FAR1: variants seen among roughly 807,000 people sequenced by gnomAD.
FAR1 encodes the protein fatty acyl-CoA reductase 1.
A neutral mutation model predicts 61.1 loss-of-function variants in FAR1; 22 were observed. The ratio of observed to expected loss-of-function variants is 0.36; its 90% CI spans 0.26 to 0.51. The LOEUF (loss-of-function observed/expected upper bound fraction) is 0.51. FAR1 is among the 20% of genes least tolerant of loss of function. The pLI, the probability that FAR1 is intolerant of heterozygous loss-of-function variation, is 0.95. For missense variants in FAR1, 359 were observed against 626.9 expected, an observed-to-expected ratio of 0.57 and a Z score of 4.56; for synonymous variants, 206 against 209.7, an observed-to-expected ratio of 0.98 and a Z score of 0.15.
chr11:13,689,299 C>T (rs1848222207), intron 1 of FAR1, among the ~76,000 whole-genome samples: 1 of 152,144 alleles, frequency 6.6e-6, no homozygotes, highest in Admixed American at 6.5e-5. Context: ...CAGAAGTCTC[C>T]TTCATGTTAC....
chr11:13,694,995 G>T (rs774938787), intron 2 of FAR1, 41 bp downstream of exon 2: 3 of 1,499,554 alleles, frequency 2.0e-6, no homozygotes, highest in Middle Eastern at 1.8e-4. Context: ...AGAAAAAAGC[G>T]TGTGCTTGTG....
intron 3 of FAR1, among the ~76,000 whole-genome samples, chr11:13,707,523 C>G (rs1160030693): frequency 6.6e-6 from 1 of 151,882 alleles, no homozygotes; most frequent in Non-Finnish European, 1.5e-5. Flanking sequence ...TTTTTTTCTC[C>G]CTGTGGCACA....
intron 1 of FAR1, among the ~76,000 whole-genome samples, chr11:13,679,617 C>T (rs541546234): frequency 1.3e-5 from 2 of 152,158 alleles, no homozygotes; most frequent in Admixed American, 1.3e-4. Context: ...GAAACAGAAA[C>T]AAAGGAAAAT....
At chr11:13,692,315 AG>A (rs1848258800) in intron 1 of FAR1, among the ~76,000 whole-genome samples, 1 of 152,220 alleles carries the variant, frequency 6.6e-6, no homozygotes, top group African/African-American at 2.4e-5. Context: ...TCTGGTCCAA[AG>A]CATTTCGGAT....
chr11:13,682,886 A>G (rs1023771739), intron 1 of FAR1, among the ~76,000 whole-genome samples: 4 of 152,074 alleles, frequency 2.6e-5, no homozygotes, highest in Admixed American at 2.6e-4. Context: ...TGCCGGGATT[A>G]CAGGCATGAG....
At chr11:13,699,487 T>A (rs1848346077) in intron 2 of FAR1, among the ~76,000 whole-genome samples, 2 of 152,246 alleles carry the variant, frequency 1.3e-5, no homozygotes, top group Non-Finnish European at 2.9e-5. Flanking sequence ...TGATATGTTA[T>A]ATAGACTTTC....
intron 9 of FAR1, chr11:13,720,822 G>A (rs1261676543): frequency 2.6e-5 from 4 of 151,956 alleles, no homozygotes; most frequent in Non-Finnish European, 4.4e-5. Flanking sequence ...GTTCACAGAA[G>A]TGGGGATTTT....
chr11:13,673,223 CAGAG>C (rs1404653274), intron 1 of FAR1, among the ~76,000 whole-genome samples: 5 of 152,290 alleles, frequency 3.3e-5, no homozygotes, highest in African/African-American at 1.2e-4. Context: ...GTCTCCTAAA[CAGAG>C]AGGAAAGAGT....
At chr11:13,681,434 G>C (rs1335653268) in intron 1 of FAR1, among the ~76,000 whole-genome samples, 1 of 152,198 alleles carries the variant, frequency 6.6e-6, no homozygotes, top group African/African-American at 2.4e-5. Flanking sequence ...GACCCTAACT[G>C]TTCTCTCATT....
At chr11:13,720,170 G>A (rs1388135229) in intron 9 of FAR1, 1 of 152,046 alleles carries the variant, frequency 6.6e-6, no homozygotes, top group Non-Finnish European at 1.5e-5. Flanking sequence ...ATTGATGTTA[G>A]GGTGATTGTG....
intron 7 of FAR1, among the ~76,000 whole-genome samples, chr11:13,712,715 A>G (rs565079160): frequency 6.6e-6 from 1 of 152,250 alleles, no homozygotes; most frequent in Admixed American, 6.5e-5. Flanking sequence ...TCCTGCTAAT[A>G]TAAGGAGGAA....
At chr11:13,696,410 G>C (rs896511129) in intron 2 of FAR1, among the ~76,000 whole-genome samples, 1 of 152,098 alleles carries the variant, frequency 6.6e-6, no homozygotes, top group African/African-American at 2.4e-5. Context: ...GATAGGAACA[G>C]ATATTTAAGC....
Position 13,708,482 on chromosome 11 carries a change from T to C in FAR1, c.545+403T>C, listed in dbSNP as rs61883164. 4.3e-3 allele frequency among the ~76,000 whole-genome samples: 427 copies of C among 100,366 alleles called. 2 individuals carry two copies. Among genetic ancestry groups the C allele is most frequent in the African/African-American group, 0.013 (396 of 30,124 alleles). 65.8% of individuals were successfully genotyped at this position (100,366 alleles called of 152,430 possible). A position where few individuals can be genotyped will look rare whatever the true frequency, so the allele number is the denominator to read the frequency against. ...ACACACACACACACACACACATACATTTATCTCTTTTCTTCAAAAATTTTT... is the reference window on the plus strand; with the variant it reads ...ACACACACACACACACACACATACACTTATCTCTTTTCTTCAAAAATTTTT... On this transcript the variant is annotated intron_variant, in intron 4 of 11. Coordinates refer to ENST00000354817, the MANE Select transcript of FAR1 (RefSeq NM_032228.6).
At chr11:13,676,127 G>A (rs562736142) in intron 1 of FAR1, among the ~76,000 whole-genome samples, 28 of 152,164 alleles carry the variant, frequency 1.8e-4, no homozygotes, top group Non-Finnish European at 3.4e-4. Context: ...TGTTCTGCTT[G>A]CCTTTTACAA....
intron 10 of FAR1, among the ~76,000 whole-genome samples, chr11:13,722,640 A>G (rs1848623367): frequency 6.6e-6 from 1 of 151,644 alleles, no homozygotes; most frequent in Admixed American, 6.6e-5. Context: ...CACCCAGCTA[A>G]TTTTTGTATT....
intron 2 of FAR1, among the ~76,000 whole-genome samples, chr11:13,695,589 A>G (rs1465644860): frequency 6.6e-6 from 1 of 152,206 alleles, no homozygotes; most frequent in East Asian, 1.9e-4. Context: ...TCGGAAGGCT[A>G]TAAGCTCAAT....
At chr11:13,712,111 G>A (rs1490004827) in intron 7 of FAR1, 65 bp downstream of exon 7, 1 of 1,121,894 alleles carries the variant, frequency 8.9e-7, no homozygotes, top group Non-Finnish European at 1.4e-6. Flanking sequence ...CATAGCTTTT[G>A]AGTAATGTTA....
intron 7 of FAR1, among the ~76,000 whole-genome samples, 155 bp from the exon 8 acceptor site, chr11:13,712,811 T>C (rs760912713): frequency 6.6e-6 from 1 of 152,078 alleles, no homozygotes; most frequent in South Asian, 2.1e-4. Flanking sequence ...TAAATAGTCA[T>C]TAAAGTAAAA....
At chr11:13,717,875 C>CA (rs1389182422) in intron 9 of FAR1, among the ~76,000 whole-genome samples, 2 of 152,096 alleles carry the variant, frequency 1.3e-5, no homozygotes, top group Non-Finnish European at 2.9e-5. Flanking sequence ...CTTGATATAG[C>CA]AGTCTCTTCA....
Sources: gnomAD v4.1 joint callset for allele counts (sites outside exome capture counted in the v4.1 genomes callset) on GRCh38, gnomAD v4.1.1 for gene constraint, MANE v1.5 for transcripts, NCBI Gene and HGNC (gene_info 2026-07-23, HGNC 2026-07-21) for gene names.